Variants in TEX14 observed in about 807,000 individuals in gnomAD.
TEX14 encodes inactive serine/threonine-protein kinase TEX14.
Under a neutral mutation model 178.6 loss-of-function variants are expected in TEX14, and 168 were observed. The observed-to-expected ratio is 0.94, with a 90% confidence interval of 0.83 to 1.07. The LOEUF is 1.07. Ranked by LOEUF, TEX14 falls within the 50% of genes least tolerant of loss-of-function variation. The probability of loss-of-function intolerance (pLI) is 0.00; values close to 1 mark genes in which losing one functional copy is unlikely to be tolerated. For synonymous variants in TEX14, 626 were observed against 634.1 expected, an observed-to-expected ratio of 0.99 and a Z score of 0.19; for missense variants, 1,730 against 1,753.6, an observed-to-expected ratio of 0.99 and a Z score of 0.24.
At chr17:58,566,893 G>A (rs778088240) in intron 26 of TEX14, among the ~76,000 whole-genome samples, 4 of 150,726 alleles carry the variant, frequency 2.7e-5, no homozygotes, top group Non-Finnish European at 4.4e-5. Flanking sequence ...CTGGCCAGGA[G>A]CAGTGGCTCA....
Position 58,617,601 on chromosome 17 carries a change from A to C in TEX14, c.573T>G (p.Pro191=). The change falls in exon 6 of 32, where the codon CCT becomes CCG. Residue 191 remains proline (P), a synonymous_variant. Transcript: ENST00000349033. ...TGACTCCAGCTTTAAGCAGTCGGTT[A>C]GGAGAGCCATTAGGGTTTCTAGAAA... ...GLVQGNPNGS[P]NRLLKAGVIS... 1.9e-6 allele frequency: 3 copies of C among 1,613,208 alleles called. No individual in the cohort carries two copies. Among genetic ancestry groups the C allele is most frequent in the Non-Finnish European group, 2.5e-6 (3 of 1,179,360 alleles).
At chr17:58,688,908 C>A (rs28645464) in intron 1 of TEX14, among the ~76,000 whole-genome samples, 66 of 151,972 alleles carry the variant, frequency 4.3e-4, no homozygotes, top group African/African-American at 1.6e-3. Context: ...TGCATTTTAC[C>A]CCCACATTTT....
At chr17:58,577,310 G>A in intron 21 of TEX14, 65 bp downstream of exon 21, 1 of 642,088 alleles carries the variant, frequency 1.6e-6, no homozygotes, top group Non-Finnish European at 2.5e-6. Flanking sequence ...TAAACACGGA[G>A]CATTATCACC....
chr17:58,624,525 G>A (rs1438763023), intron 3 of TEX14, among the ~76,000 whole-genome samples: 1 of 151,220 alleles, frequency 6.6e-6, no homozygotes, highest in East Asian at 2.0e-4. Flanking sequence ...TATTTTTAGT[G>A]GAGACAGGGT....
intron 22 of TEX14, 70 bp from the exon 23 acceptor site, chr17:58,573,378 G>C: frequency 1.3e-6 from 2 of 1,486,026 alleles, no homozygotes; most frequent in Non-Finnish European, 1.8e-6. Context: ...ATTCCTGAGA[G>C]GTACTTTTTA....
intron 20 of TEX14, among the ~76,000 whole-genome samples, chr17:58,578,956 G>A (rs1018888607): frequency 4.6e-5 from 7 of 152,192 alleles, no homozygotes; most frequent in South Asian, 4.1e-4. Flanking sequence ...AGGTTGGTAG[G>A]TGGATAACTC....
At chr17:58,680,233 A>G (rs1269750543) in intron 1 of TEX14, among the ~76,000 whole-genome samples, 1 of 152,122 alleles carries the variant, frequency 6.6e-6, no homozygotes, top group Non-Finnish European at 1.5e-5. Context: ...GCAGTTAAAC[A>G]AGCTGCTATA....
Position 58,598,903 on chromosome 17 carries a change from G to A in TEX14, c.2442C>T (p.Tyr814=). The A allele has an allele frequency of 6.2e-7, 1 of 1,612,200 alleles. No individual in the cohort carries two copies. Among genetic ancestry groups the A allele is most frequent in the Admixed American group, 1.7e-5 (1 of 59,718 alleles). The change falls in exon 14 of 32, where the codon TAC becomes TAT. Residue 814 remains tyrosine (Y), a synonymous_variant. Transcript: ENST00000349033. ...GGQKPDTSGN[Y]PTLPRFPRML... is the part of the protein sequence containing the mutation. ...TTCTTGGAAATCTTGGTAGGGTTGG[G>A]TAGTTGCCACTGGTGTCTGGCTTCT... is the stretch of plus-strand genomic sequence containing the variant.
intron 16 of TEX14, 26 bp from the exon 17 acceptor site, chr17:58,587,692 TA>T (rs748772813): frequency 7.2e-6 from 11 of 1,537,960 alleles, no homozygotes; most frequent in Non-Finnish European, 9.8e-6. Flanking sequence ...TTTTTGGAGG[TA>T]GGGGGAGCGG....
At chr17:58,603,708 G>T (rs773860737) in intron 11 of TEX14, among the ~76,000 whole-genome samples, 1 of 151,670 alleles carries the variant, frequency 6.6e-6, no homozygotes, top group Non-Finnish European at 1.5e-5. Context: ...GAAAAAATTA[G>T]CCGGGCATGG....
chr17:58,604,332 G>T (rs908524110), intron 11 of TEX14, among the ~76,000 whole-genome samples: 1 of 150,440 alleles, frequency 6.6e-6, no homozygotes, highest in Non-Finnish European at 1.5e-5. Context: ...TCAGTTGGGC[G>T]TGGTGGTGTG....
intron 2 of TEX14, among the ~76,000 whole-genome samples, chr17:58,650,409 T>C (rs1428610130): frequency 6.6e-6 from 1 of 152,044 alleles, no homozygotes; most frequent in African/African-American, 2.4e-5. Flanking sequence ...TGTTATGGAG[T>C]AAAATGCAAA....
Position 58,570,488 on chromosome 17 carries a change from T to C in TEX14, c.3718-4A>G. 6.6e-7 allele frequency: 1 copy of C among 1,521,014 alleles called. No homozygotes were observed. Among genetic ancestry groups the C allele is most frequent in the Non-Finnish European group, 8.7e-7 (1 of 1,145,250 alleles). 94.2% of individuals were successfully genotyped at this position (1,521,014 alleles called of 1,614,324 possible). A position where few individuals can be genotyped will look rare whatever the true frequency, so the allele number is the denominator to read the frequency against. On this transcript the variant is annotated splice_polypyrimidine_tract_variant and splice_region_variant and intron_variant, in intron 24 of 31. Transcript: ENST00000349033. ...CAATAAATGAAGACAATCTTTTCTA[T>C]AAGGAAGAGATAAACATGGTAACTG...
intron 1 of TEX14, among the ~76,000 whole-genome samples, chr17:58,664,346 T>G (rs1445166890): frequency 1.3e-5 from 2 of 152,196 alleles, no homozygotes; most frequent in Non-Finnish European, 2.9e-5. Context: ...AACAGACCCT[T>G]TTTCCTATGC....
At chr17:58,622,735 C>CTCCA (rs778081316) in intron 4 of TEX14, 112 bp downstream of exon 4, 112 of 1,102,186 alleles carry the variant, frequency 1.0e-4, no homozygotes, top group Non-Finnish European at 1.4e-4. Flanking sequence ...AAGCCTGAGA[C>CTCCA]TCCAGTACCA....
At chr17:58,624,347 T>C (rs533794928) in intron 3 of TEX14, among the ~76,000 whole-genome samples, 22 of 149,902 alleles carry the variant, frequency 1.5e-4, no homozygotes, top group African/African-American at 5.1e-4. Context: ...TTTTCTTTTT[T>C]TTTTTTTTTT....
chr17:58,577,190 G>A (rs1282246165), intron 21 of TEX14, among the ~76,000 whole-genome samples, 185 bp downstream of exon 21: 1 of 152,162 alleles, frequency 6.6e-6, no homozygotes, highest in African/African-American at 2.4e-5. Flanking sequence ...TCTAAGTAAA[G>A]GTGATGACTC....
Position 58,563,149 on chromosome 17 carries a change from T to C in TEX14, c.4065-1537A>G, listed in dbSNP as rs747884353. Among the ~76,000 whole-genome samples, 7 of 152,024 alleles carry C rather than the reference T, an allele frequency of 4.6e-5. 1 individual carries two copies. Reference sequence around the variant, plus strand: ...TTTTGGTGCTCCCTTCAATTTTGTATCCAAGGAGTCTATCTCCTGAGCTCA... The same window carrying C: ...TTTTGGTGCTCCCTTCAATTTTGTACCCAAGGAGTCTATCTCCTGAGCTCA... On this transcript the variant is annotated intron_variant, in intron 28 of 31. Coordinates refer to ENST00000349033, the MANE Select transcript of TEX14 (RefSeq NM_031272.5).
chr17:58,627,806 A>T (rs996047257), intron 3 of TEX14, among the ~76,000 whole-genome samples: 7 of 151,250 alleles, frequency 4.6e-5, no homozygotes, highest in Non-Finnish European at 8.8e-5. Context: ...AAAACTGAAG[A>T]AAAAAGAAAA....
Sources: allele counts gnomAD v4.1 joint callset (sites outside exome capture counted in the v4.1 genomes callset), GRCh38; gene constraint gnomAD v4.1.1; transcripts MANE v1.5; gene names NCBI Gene and HGNC (gene_info 2026-07-23, HGNC 2026-07-21).